The following PSPC1 variants were observed in gnomAD, a reference collection of about 807,000 sequenced individuals.
PSPC1 encodes the protein paraspeckle protein 1.
PSPC1 carries 14 observed loss-of-function variants against 51.6 expected under a neutral mutation model. The ratio of observed to expected loss-of-function variants is 0.27; its 90% CI spans 0.18 to 0.42. The LOEUF (loss-of-function observed/expected upper bound fraction) is 0.42, where lower values mean the gene tolerates loss of function less well. PSPC1 is among the 10% of genes least tolerant of loss of function. The pLI is 1.00. For synonymous variants in PSPC1, 193 were observed against 231.9 expected, an observed-to-expected ratio of 0.83 and a Z score of 1.53; for missense variants, 406 against 701.1, an observed-to-expected ratio of 0.58 and a Z score of 4.75.
At chr13:19,735,453 T>C (rs1229302452) in intron 5 of PSPC1, among the ~76,000 whole-genome samples, 2 of 152,180 alleles carry the variant, frequency 1.3e-5, no homozygotes, top group African/African-American at 4.8e-5. Flanking sequence ...TGTAAGCCCC[T>C]CATCCTGGTC....
intron 6 of PSPC1, among the ~76,000 whole-genome samples, chr13:19,713,441 C>A (rs1193509246): frequency 3.4e-5 from 5 of 146,850 alleles, no homozygotes; most frequent in African/African-American, 1.2e-4. Context: ...AGTGGCTGAG[C>A]TAACCTATAC....
intron 6 of PSPC1, among the ~76,000 whole-genome samples, chr13:19,684,775 T>C (rs1877668409): frequency 6.6e-6 from 1 of 152,178 alleles, no homozygotes; most frequent in Non-Finnish European, 1.5e-5. Flanking sequence ...ATGACCAACC[T>C]CAGTCAGGAT....
At chr13:19,686,499 A>G (rs924043230) in intron 6 of PSPC1, among the ~76,000 whole-genome samples, 4 of 152,198 alleles carry the variant, frequency 2.6e-5, no homozygotes, top group African/African-American at 7.2e-5. Context: ...ATATACATCT[A>G]TGAATACAGA....
intron 6 of PSPC1, among the ~76,000 whole-genome samples, chr13:19,712,332 A>G (rs553236662): frequency 1.3e-5 from 2 of 152,180 alleles, no homozygotes; most frequent in Non-Finnish European, 1.5e-5. Context: ...ACTACCCCTT[A>G]TATACCCTAA....
At chr13:19,764,046 GAA>G (rs370265152) in intron 2 of PSPC1, among the ~76,000 whole-genome samples, 2 of 152,020 alleles carry the variant, frequency 1.3e-5, no homozygotes, top group Non-Finnish European at 2.9e-5. Flanking sequence ...GTAAGAGAGA[GAA>G]AAAGTATTTC....
intron 4 of PSPC1, among the ~76,000 whole-genome samples, chr13:19,745,009 T>C (rs565281630): frequency 1.3e-5 from 2 of 152,286 alleles, no homozygotes; most frequent in South Asian, 4.1e-4. Context: ...AATGCTTTCC[T>C]GGCTGGGCAC....
chr13:19,745,195 G>C (rs1885842188), intron 4 of PSPC1, among the ~76,000 whole-genome samples: 1 of 152,116 alleles, frequency 6.6e-6, no homozygotes, highest in Non-Finnish European at 1.5e-5. Flanking sequence ...GCACACGCCT[G>C]TAGTCCCAGC....
At chr13:19,711,171 T>C (rs186586828) in intron 6 of PSPC1, among the ~76,000 whole-genome samples, 3 of 152,292 alleles carry the variant, frequency 2.0e-5, no homozygotes, top group African/African-American at 7.2e-5. Flanking sequence ...TTCCTAAAAA[T>C]TTCTCATCAT....
chr13:19,693,341 C>T (rs1355405291), intron 6 of PSPC1, among the ~76,000 whole-genome samples: 1 of 152,198 alleles, frequency 6.6e-6, no homozygotes, highest in Non-Finnish European at 1.5e-5. Flanking sequence ...ATTACAACAA[C>T]TTGGTCAGTT....
rs536571164 is a variant in PSPC1, at chr13:19,683,193, C to A, written c.1159-5370G>T. Among the ~76,000 whole-genome samples the A allele has an allele frequency of 2.0e-5, 3 of 152,258 alleles. No homozygotes were observed. The East Asian group carries it at 5.8e-4, about 29-fold the overall frequency. On this transcript the variant is annotated intron_variant and NMD_transcript_variant, in intron 6 of 7. Coordinates refer to the PSPC1 transcript ENST00000471658. Reference sequence around the variant, plus strand: ...GAATTTTCCCCAAGAGGAATGAATGCATAATGACTTGTACAAGAGTGTTCA... The same window carrying A: ...GAATTTTCCCCAAGAGGAATGAATGAATAATGACTTGTACAAGAGTGTTCA...
intron 4 of PSPC1, among the ~76,000 whole-genome samples, chr13:19,747,020 C>A (rs758895200): frequency 6.6e-6 from 1 of 151,810 alleles, no homozygotes; most frequent in Non-Finnish European, 1.5e-5. Flanking sequence ...AGGCAGGAGA[C>A]TCGCTTGAAC....
Position 19,708,307 on chromosome 13 carries a change from G to T in PSPC1, c.1216+1235C>A, listed in dbSNP as rs184099179. On this transcript the variant is annotated intron_variant, in intron 7 of 8. Transcript: ENST00000338910. The stretch of plus-strand genomic sequence containing the variant: ...TTTTGTAAATGGGTGTGCATGTTAA[G>T]TACATTGTTTGCCATGGTAGTGTAA... Among the ~76,000 whole-genome samples the T allele has an allele frequency of 4.6e-3, 694 of 152,272 alleles. 5 individuals are homozygous for T. Among genetic ancestry groups the T allele is most frequent in the South Asian group, 0.027 (129 of 4,826 alleles).
In PSPC1 at chr13:19,759,277, C is replaced by T. The variant is rs778676366; in HGVS notation, c.770+46G>A. On this transcript the variant is annotated intron_variant, in intron 3 of 8. Transcript: ENST00000338910. Reference sequence around the variant, plus strand: ...AATATTTGAAAACAAATGTAATGAACACCCTTAATAGTACAGACACAAATT... The same window carrying T: ...AATATTTGAAAACAAATGTAATGAATACCCTTAATAGTACAGACACAAATT... 6.4e-6 allele frequency: 9 copies of T among 1,411,670 alleles called. No homozygotes were observed. The Admixed American group carries it at 1.5e-4, about 24-fold the overall frequency. The allele number at this position is 1,411,670 out of a possible 1,614,324, so 87.4% of individuals were successfully genotyped here. A position where few individuals can be genotyped will look rare whatever the true frequency, so the allele number is the denominator to read the frequency against.
intron 4 of PSPC1, among the ~76,000 whole-genome samples, chr13:19,743,626 TA>T (rs1459178967): frequency 6.6e-6 from 1 of 152,166 alleles, no homozygotes; most frequent in Admixed American, 6.6e-5. Context: ...TTGGAAAACT[TA>T]AAAATATGCA....
chr13:19,713,171 G>A (rs747673490), intron 6 of PSPC1, among the ~76,000 whole-genome samples: 9 of 152,066 alleles, frequency 5.9e-5, no homozygotes, highest in South Asian at 2.1e-4. Flanking sequence ...GAACCAGTGC[G>A]TATACGTGAT....
chr13:19,687,119 T>G (rs1877980406), intron 6 of PSPC1, among the ~76,000 whole-genome samples: 1 of 152,188 alleles, frequency 6.6e-6, no homozygotes, highest in Non-Finnish European at 1.5e-5. Context: ...GAGAATCACT[T>G]GAATCCGGGA....
intron 5 of PSPC1, 48 bp downstream of exon 5, chr13:19,741,517 T>TA (rs1190620185): frequency 1.5e-6 from 2 of 1,353,936 alleles, no homozygotes; most frequent in African/African-American, 2.9e-5. Flanking sequence ...GGGGAGTTTT[T>TA]ATTAATAAGA....
chr13:19,775,339 G>A (rs564336491), intron 1 of PSPC1, among the ~76,000 whole-genome samples: 6 of 150,888 alleles, frequency 4.0e-5, no homozygotes, highest in South Asian at 2.1e-4. Flanking sequence ...GTGACAGAGC[G>A]AGACTCCGTC....
chr13:19,769,066 G>C (rs1159860232), intron 2 of PSPC1, among the ~76,000 whole-genome samples: 7 of 150,854 alleles, frequency 4.6e-5, no homozygotes, highest in Non-Finnish European at 8.9e-5. Flanking sequence ...CTTGAACTCG[G>C]GAGGCAGAGG....
Sources: allele counts gnomAD v4.1 joint callset (sites outside exome capture counted in the v4.1 genomes callset), GRCh38; gene constraint gnomAD v4.1.1; transcripts MANE v1.5; gene names NCBI Gene and HGNC (gene_info 2026-07-23, HGNC 2026-07-21).